CNBD2: variants seen among roughly 807,000 people sequenced by gnomAD.
CNBD2 encodes the protein cyclic nucleotide-binding domain-containing protein 2.
A neutral mutation model predicts 63.7 loss-of-function variants in CNBD2; 64 were observed. The ratio of observed to expected loss-of-function variants is 1.00; its 90% CI spans 0.82 to 1.24. The LOEUF is 1.24. CNBD2 is among the 50% of genes most tolerant of loss of function. The pLI is 0.00. For missense variants in CNBD2, 691 were observed against 713.5 expected (o/e 0.97, Z 0.36); for synonymous variants, 229 against 255.4 (o/e 0.90, Z 0.99).
Position 35,995,032 on chromosome 20 carries a change from G to C in CNBD2, c.856-6G>C. 1 of 1,610,542 alleles carries C rather than the reference G, an allele frequency of 6.2e-7. No homozygotes were observed. The highest frequency in any genetic ancestry group is 8.5e-7 in the Non-Finnish European group (1 of 1,176,704). On this transcript the variant is annotated splice_polypyrimidine_tract_variant and splice_region_variant and intron_variant, in intron 7 of 11. Transcript: ENST00000373973. ...ACCCTTTTCCTATGTCCCTTGCTGTGTTCAGGGCAGCTGTGAAGTCCTGCG... is the reference window on the plus strand; with the variant it reads ...ACCCTTTTCCTATGTCCCTTGCTGTCTTCAGGGCAGCTGTGAAGTCCTGCG...
chr20:35,960,094 A>G (rs560232732), downstream of CNBD2, among the ~76,000 whole-genome samples: 286 of 152,364 alleles, frequency 1.9e-3, 1 homozygote, highest in Non-Finnish European at 3.3e-3. Context: ...TTGGATGGTA[A>G]GGGATACCAG....
rs537219975 is a variant in CNBD2, at chr20:36,000,220, T to G, written c.970+5068T>G. Among the ~76,000 whole-genome samples the G allele has an allele frequency of 7.2e-5, 11 of 152,270 alleles. No homozygotes were observed. The East Asian group carries it at 2.1e-3, about 29-fold the overall frequency. On this transcript the variant is annotated intron_variant, in intron 8 of 11. Coordinates refer to ENST00000373973, the MANE Select transcript of CNBD2 (RefSeq NM_001365709.1). ...ATTTTATCTTCATTTTTGAAAGAAA[T>G]TTTTGCTGGATATAAAATTCTAAGT...
intron 10 of CNBD2, among the ~76,000 whole-genome samples, chr20:36,020,041 A>G (rs142986330): frequency 1.3e-5 from 2 of 151,934 alleles, no homozygotes; most frequent in South Asian, 2.1e-4. Flanking sequence ...GCCTAGGTTT[A>G]TTGCTTTCCT....
upstream of CNBD2, among the ~76,000 whole-genome samples, chr20:35,968,009 A>G (rs143310554): frequency 2.7e-4 from 41 of 152,308 alleles, no homozygotes; most frequent in East Asian, 7.1e-3. Flanking sequence ...CTTGTGGGGC[A>G]GGGCTAACTC....
intron 7 of CNBD2, among the ~76,000 whole-genome samples, chr20:35,992,295 A>G (rs2056757348): frequency 6.6e-6 from 1 of 152,194 alleles, no homozygotes; most frequent in Non-Finnish European, 1.5e-5. Context: ...GGCGATTCCA[A>G]TGCACACTGA....
At chr20:36,017,771 T>C (rs2057154406) in intron 10 of CNBD2, among the ~76,000 whole-genome samples, 1 of 152,206 alleles carries the variant, frequency 6.6e-6, no homozygotes, top group Non-Finnish European at 1.5e-5. Context: ...TCGGTCATTC[T>C]TCAAGGGGCG....
chr20:35,986,099 C>T (rs955320107), intron 6 of CNBD2, among the ~76,000 whole-genome samples: 1 of 152,126 alleles, frequency 6.6e-6, no homozygotes, highest in East Asian at 1.9e-4. Flanking sequence ...TGAAAGGCCA[C>T]GTAAGGATAT....
chr20:35,958,687 G>A (rs1055477773), downstream of CNBD2, among the ~76,000 whole-genome samples: 1 of 151,874 alleles, frequency 6.6e-6, no homozygotes, highest in African/African-American at 2.4e-5. Context: ...TATCGTGTGT[G>A]GATTAATGCA....
chr20:36,006,071 C>T (rs1320234825), intron 8 of CNBD2, among the ~76,000 whole-genome samples: 2 of 151,432 alleles, frequency 1.3e-5, no homozygotes, highest in Admixed American at 6.6e-5. Context: ...CCCTGTCACC[C>T]AGGCTGGAGT....
At chr20:35,986,158 A>C (rs528137664) in intron 6 of CNBD2, among the ~76,000 whole-genome samples, 2 of 152,326 alleles carry the variant, frequency 1.3e-5, no homozygotes, top group East Asian at 3.9e-4. Flanking sequence ...CCTTTATGTA[A>C]AAGGAATAAA....
rs767796336 is a variant in CNBD2 at position 35,988,059 on chromosome 20, G to A, written c.855+526G>A. On this transcript the variant is annotated intron_variant, in intron 7 of 11. Transcript: ENST00000373973. ...TAATTTTTGTACTTTTAGTAGAGAC[G>A]GGGTTTCACCATGTTGGACAGGCTG... Among the ~76,000 whole-genome samples, 7 of 151,992 alleles carry A rather than the reference G, an allele frequency of 4.6e-5. No individual in the cohort carries two copies. In the East Asian group the frequency reaches 1.2e-3, roughly 25 times the overall value.
intron 2 of CNBD2, 180 bp downstream of exon 2, chr20:35,972,946 C>T (rs2056443365): frequency 1.6e-6 from 1 of 632,826 alleles, no homozygotes; most frequent in Non-Finnish European, 2.7e-6. Flanking sequence ...ACATCATCAA[C>T]CAAGAGGTTT....
chr20:35,957,403 A>G (rs2056267661), downstream of CNBD2, among the ~76,000 whole-genome samples: 1 of 151,986 alleles, frequency 6.6e-6, no homozygotes, highest in Non-Finnish European at 1.5e-5. Flanking sequence ...CCTGGGCAAC[A>G]TGATGAAACC....
At chr20:36,005,369 G>A (rs1601077904) in intron 8 of CNBD2, among the ~76,000 whole-genome samples, 1 of 152,090 alleles carries the variant, frequency 6.6e-6, no homozygotes, top group Non-Finnish European at 1.5e-5. Context: ...CTCTAATGCC[G>A]CCACTGATCT....
chr20:36,021,558 C>T (rs559636097), intron 10 of CNBD2, among the ~76,000 whole-genome samples: 3 of 152,342 alleles, frequency 2.0e-5, no homozygotes, highest in East Asian at 3.9e-4. Context: ...CCCCATGTGT[C>T]CTCCACAGAG....
chr20:35,954,511 C>A (rs770401022), upstream of CNBD2: 3 of 1,532,494 alleles, frequency 2.0e-6, no homozygotes, highest in East Asian at 2.5e-5. Context: ...GCGTCCAGGT[C>A]GGCGCGCGAG....
In CNBD2 at chr20:35,969,496, C is replaced by G. The variant is rs543044296; in HGVS notation, c.51+683C>G. On this transcript the variant is annotated intron_variant, in intron 1 of 11. Coordinates refer to ENST00000373973, the MANE Select transcript of CNBD2 (RefSeq NM_001365709.1). ...ACCACTTTCCTGAAGTTGGTGTCACCCTTCCTGTTTATATTTTTATATATT... is the reference window on the plus strand; with the variant it reads ...ACCACTTTCCTGAAGTTGGTGTCACGCTTCCTGTTTATATTTTTATATATT... Among the ~76,000 whole-genome samples, 8 of 152,096 alleles carry G rather than the reference C, an allele frequency of 5.3e-5. No homozygotes were observed. The East Asian group carries it at 1.5e-3, about 29-fold the overall frequency.
At position 35,987,379 on chromosome 20, in the gene CNBD2, C is replaced by G. The variant is rs371606186; in HGVS notation, c.717-16C>G. On this transcript the variant is annotated splice_polypyrimidine_tract_variant and intron_variant, in intron 6 of 11. Coordinates refer to ENST00000373973, the MANE Select transcript of CNBD2 (RefSeq NM_001365709.1). ...GTGTGATGGAGTTGATGAATTCTAA[C>G]AGGCTCTTCCCACAGGAAGATGGAG... 1.8e-5 allele frequency: 29 copies of G among 1,613,782 alleles called. No individual in the cohort carries two copies. The highest frequency in any genetic ancestry group is 2.0e-5 in the Non-Finnish European group (24 of 1,179,984).
Position 35,980,492 on chromosome 20 carries a change from C to A in CNBD2, c.277C>A (p.Gln93Lys). Residue 93 changes from glutamine to lysine, a missense_variant, in exon 4 of 12, where the codon CAG (glutamine) becomes AAG (lysine). Coordinates refer to ENST00000373973, the MANE Select transcript of CNBD2 (RefSeq NM_001365709.1). ...TCCTCCAAAGGCCATTCAGATCATG[C>A]AGAAGAAGCCTTCCTGGAGAACAGA... is the stretch of plus-strand genomic sequence containing the variant. ...HFPPKAIQIM[Q>K]KKPSWRTEDE... 1 of 1,614,198 alleles carries A rather than the reference C, an allele frequency of 6.2e-7. No individual in the cohort carries two copies.
Sources: allele counts gnomAD v4.1 joint callset (sites outside exome capture counted in the v4.1 genomes callset), GRCh38; gene constraint gnomAD v4.1.1; transcripts MANE v1.5; gene names NCBI Gene and HGNC (gene_info 2026-07-23, HGNC 2026-07-21).